ADAR: variants seen among roughly 807,000 people sequenced by gnomAD.
ADAR encodes double-stranded RNA-specific adenosine deaminase.
Under a neutral mutation model 113.2 loss-of-function variants are expected in ADAR, and 41 were observed. That is an observed-to-expected ratio of 0.36 (90% CI 0.28 to 0.47). The LOEUF (loss-of-function observed/expected upper bound fraction) is 0.47. ADAR is among the 20% of genes least tolerant of loss of function. ADAR has a pLI of 1.00. For missense variants in ADAR, 1,242 were observed against 1,540.9 expected, an observed-to-expected ratio of 0.81 and a Z score of 3.25; for synonymous variants, 605 against 572.6, an observed-to-expected ratio of 1.06 and a Z score of -0.81.
At position 154,599,628 on chromosome 1, in the gene ADAR, T is replaced by G. The variant is rs564210079; in HGVS notation, c.1602-1043A>C. Among the ~76,000 whole-genome samples the G allele has an allele frequency of 1.6e-4, 24 of 152,312 alleles. No homozygotes were observed. In the South Asian group the frequency reaches 5.0e-3, roughly 32 times the overall value. On this transcript the variant is annotated intron_variant, in intron 2 of 14. Coordinates refer to ENST00000368474, the MANE Select transcript of ADAR (RefSeq NM_001111.5). ...CCCTAGAAACCAGGCTAGGTAAACATAAAGGTCAGTGGAATTCTCCCCCAT... is the reference window on the plus strand; with the variant it reads ...CCCTAGAAACCAGGCTAGGTAAACAGAAAGGTCAGTGGAATTCTCCCCCAT...
chr1:154,601,071 A>G lies in ADAR; in HGVS notation c.1571T>C (p.Ile524Thr). The G allele has an allele frequency of 6.2e-7, 1 of 1,614,146 alleles. No homozygotes were observed. Among genetic ancestry groups the G allele is most frequent in the Non-Finnish European group, 8.5e-7 (1 of 1,180,010 alleles). The change falls in exon 2 of 15, where the codon ATA (isoleucine) becomes ACA (threonine). Residue 524 changes from isoleucine (I) to threonine (T), a missense_variant. Around this residue, in one of 2 missense-constraint regions of ADAR, gnomAD observed 780 missense variants for 1,057.9 expected, o/e 0.74. Transcript: ENST00000368474. This position sits in a 1 kb window ranked among gnomAD's most constrained non-coding sequence, Gnocchi z 4.7. ...FASQTCEFNM[I>T]EQSGPPHEPR... ...TTCATGGGGTGGTCCACTCTGCTCT[A>G]TCATGTTGAACTCACAGGTTTGACT...
intron 10 of ADAR, 66 bp from the exon 11 acceptor site, chr1:154,588,324 ACAG>A: frequency 6.2e-7 from 1 of 1,610,872 alleles, no homozygotes; most frequent in Non-Finnish European, 8.5e-7. Context: ...GGGCTCCAAA[ACAG>A]TCAGATGTGA....
chr1:154,597,687 C>T, intron 4 of ADAR, 141 bp downstream of exon 4: 1 of 1,125,312 alleles, frequency 8.9e-7, no homozygotes, highest in African/African-American at 1.5e-5. Context: ...AAGCAGCAAC[C>T]AGGACCTCAG....
At chr1:154,626,076 T>C (rs1571155987) in intron 1 of ADAR, among the ~76,000 whole-genome samples, 1 of 147,554 alleles carries the variant, frequency 6.8e-6, no homozygotes. Context: ...CGGGATAAAA[T>C]TGAAAAATAA....
chr1:154,588,014 C>T (rs1475294302), intron 11 of ADAR, 111 bp downstream of exon 11: 3 of 1,528,720 alleles, frequency 2.0e-6, no homozygotes, highest in Non-Finnish European at 2.7e-6. Context: ...GTAAACAGCA[C>T]CTCTGTGCCC....
chr1:154,627,925 A>ACCCCCCCCCCCCCCCCC, exon 1 of ADAR: 2 of 293,260 alleles, frequency 6.8e-6, no homozygotes, highest in Non-Finnish European at 6.7e-6. Flanking sequence ...CCCTCCCCCC[A>ACCCCCCCCCCCCCCCCC]CCCTCCCCCA....
Position 154,589,385 on chromosome 1 carries a change from G to A in ADAR, c.2746C>T (p.Arg916Trp). The A allele has an allele frequency of 2.5e-6, 4 of 1,614,096 alleles. No individual in the cohort carries two copies. Among genetic ancestry groups the A allele is most frequent in the Non-Finnish European group, 3.4e-6 (4 of 1,179,964 alleles). Residue 916 changes from arginine (R) to tryptophan (W), a missense_variant, in exon 9 of 15, where the codon CGG becomes TGG. By Grantham distance (101) the Arg-to-Trp change is moderately radical. Coordinates refer to ENST00000368474, the MANE Select transcript of ADAR (RefSeq NM_001111.5). ...CTCGCTCACCTGATGAAGCCTCTCC[G>A]GGAGATTATTTCTGCATGGCAGTCA... ...VNDCHAEIIS[R>W]RGFIRFLYSE...
At chr1:154,619,091 C>G (rs1001280896) in intron 1 of ADAR, among the ~76,000 whole-genome samples, 2 of 152,088 alleles carry the variant, frequency 1.3e-5, no homozygotes, top group Non-Finnish European at 2.9e-5. Flanking sequence ...GCCTGGGCAA[C>G]AGAGTGAGAC....
upstream of ADAR, chr1:154,608,242 G>C: frequency 1.9e-6 from 1 of 529,320 alleles, no homozygotes; most frequent in South Asian, 2.5e-5. Context: ...TGGCCAAGAG[G>C]AGGGGCTTGA....
chr1:154,613,365 A>G (rs1179907316), intron 1 of ADAR, among the ~76,000 whole-genome samples: 2 of 137,050 alleles, frequency 1.5e-5, no homozygotes, highest in East Asian at 4.4e-4. Context: ...GCTCACTGCA[A>G]CCTCCACCTC....
chr1:154,590,141 A>AGGGC, intron 7 of ADAR, 43 bp downstream of exon 7: 1 of 760,864 alleles, frequency 1.3e-6, no homozygotes, highest in Non-Finnish European at 2.2e-6. Flanking sequence ...AGTTAGGAGG[A>AGGGC]CCCCCCCGCC....
chr1:154,589,732 C>T lies in ADAR; in HGVS notation c.2668+25G>A, dbSNP rs145115780. 211 of 1,613,966 alleles carry T rather than the reference C, an allele frequency of 1.3e-4. No homozygotes were observed. In the African/African-American group the frequency reaches 2.3e-3, roughly 17 times the overall value. On this transcript the variant is annotated intron_variant, in intron 8 of 14. Coordinates refer to ENST00000368474, the MANE Select transcript of ADAR (RefSeq NM_001111.5). ...ACCCGCTTTCAGGCGCCATGGGAGG[C>T]GGCATGTCTCAGAGCCTCACTCACC...
intron 14 of ADAR, 79 bp downstream of exon 14, chr1:154,585,138 C>T: frequency 6.2e-7 from 1 of 1,613,690 alleles, no homozygotes; most frequent in Non-Finnish European, 8.5e-7. Flanking sequence ...CTCTCAAGCC[C>T]TGAGACTGCA....
Position 154,589,265 on chromosome 1 carries a change from C to CGTCT in ADAR, c.2762+100_2762+103dup. The CGTCT allele has an allele frequency of 3.3e-6, 3 of 895,612 alleles. No homozygotes were observed. The Admixed American group carries it at 5.3e-5, about 16-fold the overall frequency. The allele number at this position is 895,612 out of a possible 1,614,324, so 55.5% of individuals were successfully genotyped here. ...AGGCTGCCACTGCCACATCATGACC[C>CGTCT]GTCTGTCTGAGGGGGATTCAGAGGC... On this transcript the variant is annotated intron_variant, in intron 9 of 14. Transcript: ENST00000368474.
chr1:154,616,370 C>T (rs1031692935), intron 1 of ADAR, among the ~76,000 whole-genome samples: 7 of 152,288 alleles, frequency 4.6e-5, no homozygotes, highest in African/African-American at 1.7e-4. Context: ...TTGGACCATG[C>T]CCCATCTCTC....
intron 5 of ADAR, 34 bp from the exon 6 acceptor site, chr1:154,597,029 A>C: frequency 6.2e-7 from 1 of 1,614,118 alleles, no homozygotes; most frequent in Non-Finnish European, 8.5e-7. Context: ...AGGAGCCATA[A>C]ACACTTCAGG....
rs765702490 is a variant in ADAR at position 154,584,775 on chromosome 1, C to T, written c.*31G>A. 7.6e-6 allele frequency: 12 copies of T among 1,568,856 alleles called. No homozygotes were observed. Among genetic ancestry groups the T allele is most frequent in the Non-Finnish European group, 1.1e-5 (12 of 1,140,042 alleles). On this transcript the variant is annotated 3_prime_UTR_variant, in exon 15 of 15. Coordinates refer to ENST00000368474, the MANE Select transcript of ADAR (RefSeq NM_001111.5). ...CTACCTCTCTCACACCCTAGTATGA[C>T]ACACCCTAATCCATCTGTCACTGGA...
chr1:154,602,066 G>A lies in ADAR; in HGVS notation c.576C>T (p.Pro192=). The A allele has an allele frequency of 3.1e-6, 5 of 1,614,140 alleles. No individual in the cohort carries two copies. Among genetic ancestry groups the A allele is most frequent in the Non-Finnish European group, 4.2e-6 (5 of 1,180,004 alleles). Residue 192 remains proline, a synonymous_variant, in exon 2 of 15, where the codon CCC becomes CCT. Transcript: ENST00000368474. Reference sequence around the variant, plus strand: ...TGGAGACCGCGATTTTCCACAAAGGGGGTGTTCCTGCCTCTTTCTGTAGCT... The same window carrying A: ...TGGAGACCGCGATTTTCCACAAAGGAGGTGTTCCTGCCTCTTTCTGTAGCT... ...KGKLQKEAGT[P]PLWKIAVSTQ...
chr1:154,589,436 G>A lies in ADAR; in HGVS notation c.2695C>T (p.Leu899Phe). The change falls in exon 9 of 15, where the codon CTC (leucine) becomes TTC (phenylalanine). Residue 899 changes from leucine to phenylalanine, a missense_variant. Coordinates refer to ENST00000368474, the MANE Select transcript of ADAR (RefSeq NM_001111.5). ...TGNRCVKGDS[L>F]SLKGETVNDC... ...TTGACAGTTTCTCCTTTTAGGCTGA[G>A]AGAATCTCCTTTCACACAGCGATTC... 3.1e-6 allele frequency: 5 copies of A among 1,614,068 alleles called. No homozygotes were observed. Among genetic ancestry groups the A allele is most frequent in the Non-Finnish European group, 4.2e-6 (5 of 1,179,926 alleles).
Sources: allele counts gnomAD v4.1 joint callset (sites outside exome capture counted in the v4.1 genomes callset), GRCh38; gene constraint gnomAD v4.1.1; regional missense constraint gnomAD v4.1.1; non-coding constraint Gnocchi (gnomAD v3.1); transcripts MANE v1.5; gene names NCBI Gene and HGNC (gene_info 2026-07-23, HGNC 2026-07-21).